The following ACCSL variants were observed in gnomAD, a reference collection of about 807,000 sequenced individuals.
The protein encoded by ACCSL is probable inactive 1-aminocyclopropane-1-carboxylate synthase-like protein 2.
A neutral mutation model predicts 61.7 loss-of-function variants in ACCSL; 55 were observed. The ratio of observed to expected loss-of-function variants is 0.89; its 90% CI spans 0.72 to 1.12. ACCSL has a LOEUF of 1.12. ACCSL is among the 50% of genes most tolerant of loss of function. ACCSL has a pLI of 0.00. For synonymous variants in ACCSL, 258 were observed against 264.3 expected, an observed-to-expected ratio of 0.98 and a Z score of 0.23; for missense variants, 632 against 698.0, an observed-to-expected ratio of 0.91 and a Z score of 1.07.
chr11:43,969,382 A>AT, the ACCSL span, among the ~76,000 whole-genome samples: 1 of 152,042 alleles, frequency 6.6e-6, no homozygotes, highest in Non-Finnish European at 1.5e-5. Context: ...TAATAAAAAA[A>AT]TTTTTTAAAC....
At chr11:44,022,103 T>C in the ACCSL span, among the ~76,000 whole-genome samples, 3 of 152,138 alleles carry the variant, frequency 2.0e-5, no homozygotes, top group Admixed American at 1.3e-4. Context: ...ATGAGGGCTC[T>C]TTTTTGGTTT....
the ACCSL span, chr11:44,001,106 C>T: frequency 6.6e-6 from 1 of 152,102 alleles, no homozygotes; most frequent in Non-Finnish European, 1.5e-5. Context: ...CAGGCCCTGT[C>T]CTAACTATGG....
chr11:44,058,541 C>G lies in ACCSL; in HGVS notation c.1471-5C>G, dbSNP rs761075671. 1.3e-5 allele frequency: 21 copies of G among 1,613,934 alleles called. No individual in the cohort carries two copies. The South Asian group carries it at 2.3e-4, about 18-fold the overall frequency. On this transcript the variant is annotated splice_polypyrimidine_tract_variant and splice_region_variant and intron_variant, in intron 12 of 13. Transcript: ENST00000378832. ...GGCTCAGTTCTGTTCCTCTGCCCTC[C>G]CTAGTACCTGGATCCCTGTACATTT... is the stretch of plus-strand genomic sequence containing the variant.
the ACCSL span, among the ~76,000 whole-genome samples, chr11:43,931,208 G>A: frequency 6.6e-5 from 10 of 152,368 alleles, no homozygotes; most frequent in African/African-American, 2.4e-4. Context: ...CCCTGTCTGA[G>A]CAGCGTGAGG....
chr11:43,975,382 A>G, the ACCSL span, among the ~76,000 whole-genome samples: 1 of 152,242 alleles, frequency 6.6e-6, no homozygotes. Context: ...AAAATGAGAT[A>G]TAAGATATGA....
At chr11:44,050,477 T>C in intron 2 of ACCSL, 75 bp from the exon 3 acceptor site, 1 of 1,321,088 alleles carries the variant, frequency 7.6e-7, no homozygotes, top group Non-Finnish European at 1.1e-6. Flanking sequence ...CAAACACTCA[T>C]GTACAAACTA....
the ACCSL span, among the ~76,000 whole-genome samples, chr11:43,940,430 A>C: frequency 2.0e-5 from 3 of 148,824 alleles, no homozygotes; most frequent in East Asian, 5.9e-4. Context: ...ATCTCGGCTC[A>C]CTGCAAGCTC....
In ACCSL at chr11:44,058,449, A is replaced by G. The variant is rs1952685503; in HGVS notation, c.1460A>G (p.Asn487Ser). 6.2e-7 allele frequency: 1 copy of G among 1,614,182 alleles called. No individual in the cohort carries two copies. Among genetic ancestry groups the G allele is most frequent in the Non-Finnish European group, 8.5e-7 (1 of 1,180,040 alleles). Residue 487 changes from asparagine to serine, a missense_variant, in exon 12 of 14, where the codon AAC (asparagine) becomes AGC (serine). By Grantham distance (46) the Asn-to-Ser change is conservative. Coordinates refer to ENST00000378832, the MANE Select transcript of ACCSL (RefSeq NM_001031854.2). ...AGCTCTGGCCTCTATGTCTGGATCA[A>G]CTTGAAAAAGGTGTGTTCTGGGAAT... Reference protein sequence around the residue: ...NRSSGLYVWINLKKYLDPCTF... With the variant: ...NRSSGLYVWISLKKYLDPCTF...
the ACCSL span, among the ~76,000 whole-genome samples, chr11:43,942,087 C>G: frequency 2.6e-5 from 4 of 150,990 alleles, no homozygotes; most frequent in Non-Finnish European, 4.4e-5. Flanking sequence ...CGCGCGCGCG[C>G]CTGCGGAGGG....
chr11:44,005,759 A>G, the ACCSL span, among the ~76,000 whole-genome samples: 40,570 of 151,988 alleles, frequency 0.27, 5,605 homozygotes, highest in East Asian at 0.39. Context: ...TAATTACACT[A>G]TCACACTACA....
the ACCSL span, among the ~76,000 whole-genome samples, chr11:44,026,026 AT>A: frequency 1.3e-4 from 20 of 152,262 alleles, no homozygotes; most frequent in East Asian, 3.9e-3. Flanking sequence ...AACCCTTTGA[AT>A]TTATCCTAAG....
chr11:44,013,774 G>C, the ACCSL span, among the ~76,000 whole-genome samples: 818 of 18,486 alleles, frequency 0.044, 12 homozygotes, highest in African/African-American at 0.15. Context: ...CAAAAAAACA[G>C]GACTGCTTGG....
chr11:44,048,091 G>C lies in ACCSL; in HGVS notation c.55G>C (p.Val19Leu). The C allele has an allele frequency of 6.2e-7, 1 of 1,614,124 alleles. No individual in the cohort carries two copies. Among genetic ancestry groups the C allele is most frequent in the Non-Finnish European group, 8.5e-7 (1 of 1,179,996 alleles). Reference sequence around the variant, plus strand: ...GCCCTCTGGTCAGAGGAGAGGCCGGGTCCCCAGAGACCACAGCATCTATAC... The same window carrying C: ...GCCCTCTGGTCAGAGGAGAGGCCGGCTCCCCAGAGACCACAGCATCTATAC... The part of the protein sequence containing the change: ...PVPSGQRRGR[V>L]PRDHSIYTQL... Residue 19 changes from valine (V) to leucine (L), a missense_variant, in exon 1 of 14, where the codon GTC becomes CTC. Transcript: ENST00000378832.
At chr11:44,018,367 T>C in the ACCSL span, among the ~76,000 whole-genome samples, 1 of 152,060 alleles carries the variant, frequency 6.6e-6, no homozygotes, top group Non-Finnish European at 1.5e-5. Flanking sequence ...ACAGAACTGA[T>C]AGCAGGAGCC....
the ACCSL span, among the ~76,000 whole-genome samples, chr11:44,005,713 T>A: frequency 2.0e-5 from 3 of 151,944 alleles, no homozygotes; most frequent in Non-Finnish European, 4.4e-5. Context: ...CAGAACCTCC[T>A]CCCCCGCCCT....
chr11:43,947,136 G>C, the ACCSL span: 3 of 152,248 alleles, frequency 2.0e-5, no homozygotes, highest in African/African-American at 7.2e-5. Flanking sequence ...GAAGGTGGAG[G>C]GGGAGCAGGC....
At chr11:44,001,333 A>G in the ACCSL span, among the ~76,000 whole-genome samples, 2 of 150,234 alleles carry the variant, frequency 1.3e-5, no homozygotes, top group Non-Finnish European at 1.5e-5. Context: ...CAAGCTGCCC[A>G]TCTCTCGGGG....
the ACCSL span, chr11:43,942,794 C>T: frequency 4.4e-6 from 3 of 687,072 alleles, no homozygotes; most frequent in African/African-American, 4.0e-5. Flanking sequence ...AGATTTGGAT[C>T]CCCCGCCCGG....
the ACCSL span, among the ~76,000 whole-genome samples, chr11:44,032,056 G>C: frequency 6.6e-6 from 1 of 152,174 alleles, no homozygotes. Flanking sequence ...TTCTATTGCT[G>C]TGTGACAAAC....
Sources: allele counts gnomAD v4.1 joint callset (sites outside exome capture counted in the v4.1 genomes callset), GRCh38; gene constraint gnomAD v4.1.1; transcripts MANE v1.5; gene names NCBI Gene and HGNC (gene_info 2026-07-23, HGNC 2026-07-21).